CIP2A: variants seen among roughly 807,000 people sequenced by gnomAD.
The protein encoded by CIP2A is protein CIP2A.
A neutral mutation model predicts 110.9 loss-of-function variants in CIP2A; 103 were observed. That is an observed-to-expected ratio of 0.93 (90% CI 0.79 to 1.09). The LOEUF (loss-of-function observed/expected upper bound fraction) is 1.09, where lower values mean the gene tolerates loss of function less well. Ranked by LOEUF, CIP2A falls within the 50% of genes least tolerant of loss-of-function variation. The pLI, the probability that CIP2A is intolerant of heterozygous loss-of-function variation, is 0.00. For synonymous variants in CIP2A, 381 were observed against 361.6 expected, an observed-to-expected ratio of 1.05 and a Z score of -0.61; for missense variants, 1,088 against 1,038.4, an observed-to-expected ratio of 1.05 and a Z score of -0.66.
intron 5 of CIP2A, among the ~76,000 whole-genome samples, chr3:108,580,164 T>A (rs974626953): frequency 2.6e-5 from 4 of 152,158 alleles, no homozygotes; most frequent in Admixed American, 6.5e-5. Context: ...GCAAAAAAAA[T>A]TCAGCAAATT....
At chr3:108,587,219 AT>A (rs1443189538) in intron 1 of CIP2A, among the ~76,000 whole-genome samples, 3 of 152,334 alleles carry the variant, frequency 2.0e-5, no homozygotes, top group African/African-American at 7.2e-5. Flanking sequence ...TCCACAAAAA[AT>A]GTATGTCTAC....
At chr3:108,584,663 A>G (rs942350109) in intron 2 of CIP2A, among the ~76,000 whole-genome samples, 1 of 152,174 alleles carries the variant, frequency 6.6e-6, no homozygotes, top group African/African-American at 2.4e-5. Flanking sequence ...TTTATTGGAC[A>G]ATGCTGCTCT....
intron 8 of CIP2A, among the ~76,000 whole-genome samples, chr3:108,575,361 TATAC>T (rs1271072623): frequency 1.3e-5 from 2 of 150,974 alleles, no homozygotes; most frequent in Non-Finnish European, 3.0e-5. Context: ...CATGTGTATA[TATAC>T]ATACACATAT....
At chr3:108,575,318 A>G (rs1938542578) in intron 8 of CIP2A, among the ~76,000 whole-genome samples, 1 of 146,796 alleles carries the variant, frequency 6.8e-6, no homozygotes, top group Admixed American at 6.7e-5. Context: ...ACACACGTGC[A>G]TGTACACACA....
At chr3:108,561,817 A>G (rs534878444) in intron 13 of CIP2A, among the ~76,000 whole-genome samples, 31 of 152,318 alleles carry the variant, frequency 2.0e-4, no homozygotes, top group African/African-American at 6.7e-4. Context: ...ATGCCCAAAG[A>G]GAAAATTATT....
intron 5 of CIP2A, among the ~76,000 whole-genome samples, chr3:108,580,378 ATATT>A (rs1289161796): frequency 7.0e-6 from 1 of 142,354 alleles, no homozygotes; most frequent in East Asian, 2.5e-4. Flanking sequence ...ATTCTTCCTT[ATATT>A]TAAGTGTTTC....
intron 19 of CIP2A, 95 bp from the exon 20 acceptor site, chr3:108,552,468 A>G: frequency 1.5e-6 from 1 of 676,118 alleles, no homozygotes; most frequent in Non-Finnish European, 2.3e-6. Flanking sequence ...AAAGAGAAAT[A>G]ACTAGAACAA....
At position 108,553,567 on chromosome 3, in the gene CIP2A, TA is replaced by T. The variant is rs76336584; in HGVS notation, c.2407+80del. Reference sequence around the variant, plus strand: ...AAAGTTTAAAACAATAAGTAGAAAATAAAAAAGCAAACAAAACCACTCATGC... The same window carrying T: ...AAAGTTTAAAACAATAAGTAGAAAATAAAAAGCAAACAAAACCACTCATGC... On this transcript the variant is annotated intron_variant, in intron 19 of 20. Coordinates refer to ENST00000295746, the MANE Select transcript of CIP2A (RefSeq NM_020890.3). 160 of 1,204,418 alleles carry T rather than the reference TA, an allele frequency of 1.3e-4. 1 individual carries two copies. The African/African-American group carries it at 2.2e-3, about 16-fold the overall frequency. 74.6% of individuals were successfully genotyped at this position (1,204,418 alleles called of 1,614,324 possible).
At chr3:108,552,599 A>T (rs1270029140) in intron 19 of CIP2A, among the ~76,000 whole-genome samples, 1 of 152,174 alleles carries the variant, frequency 6.6e-6, no homozygotes, top group Non-Finnish European at 1.5e-5. Flanking sequence ...TCAAAAGTGT[A>T]AGGGTTAGAA....
chr3:108,585,857 C>T, intron 1 of CIP2A: 1 of 444,846 alleles, frequency 2.2e-6, no homozygotes, highest in South Asian at 1.6e-5. Flanking sequence ...GTTTTTTTTA[C>T]TTTCTTGTAA....
chr3:108,563,566 G>A (rs1468758345), intron 12 of CIP2A, among the ~76,000 whole-genome samples: 1 of 151,790 alleles, frequency 6.6e-6, no homozygotes, highest in African/African-American at 2.4e-5. Flanking sequence ...TAGAATTAAT[G>A]TTTTTTTCCA....
chr3:108,555,279 T>G (rs916055994), intron 17 of CIP2A, among the ~76,000 whole-genome samples: 5 of 152,178 alleles, frequency 3.3e-5, no homozygotes, highest in African/African-American at 1.2e-4. Flanking sequence ...AGGTATCCCC[T>G]TTTTAGGAGG....
intron 20 of CIP2A, 103 bp downstream of exon 20, chr3:108,552,130 TA>T: frequency 1.2e-6 from 1 of 846,712 alleles, no homozygotes; most frequent in Non-Finnish European, 1.8e-6. Flanking sequence ...TAATATCTTC[TA>T]AAAAATTTGC....
intron 17 of CIP2A, among the ~76,000 whole-genome samples, chr3:108,555,456 T>C (rs1018854680): frequency 2.0e-5 from 3 of 152,192 alleles, no homozygotes; most frequent in African/African-American, 7.2e-5. Flanking sequence ...TACTTGATTC[T>C]TTATAGAACT....
At chr3:108,560,551 A>G in intron 14 of CIP2A, 98 bp downstream of exon 14, 1 of 671,558 alleles carries the variant, frequency 1.5e-6, no homozygotes, top group Non-Finnish European at 2.4e-6. Context: ...AGGTTTCAAT[A>G]GTGAAATCTG....
At chr3:108,563,976 C>T (rs1938095494) in intron 12 of CIP2A, among the ~76,000 whole-genome samples, 2 of 151,860 alleles carry the variant, frequency 1.3e-5, no homozygotes, top group Admixed American at 6.6e-5. Flanking sequence ...TAGGGATGCT[C>T]AACCTGTATT....
chr3:108,583,176 T>A, intron 2 of CIP2A, 93 bp from the exon 3 acceptor site: 1 of 590,808 alleles, frequency 1.7e-6, no homozygotes, highest in Admixed American at 3.9e-5. Flanking sequence ...AATTTATTAT[T>A]AAAAAAGGTA....
At position 108,568,146 on chromosome 3, in the gene CIP2A, A is replaced by G. The variant is rs1331738691; in HGVS notation, c.1273+9T>C. The G allele has an allele frequency of 6.2e-7, 1 of 1,608,332 alleles. No homozygotes were observed. Among genetic ancestry groups the G allele is most frequent in the East Asian group, 2.2e-5 (1 of 44,778 alleles). On this transcript the variant is annotated intron_variant, in intron 10 of 20. Coordinates refer to ENST00000295746, the MANE Select transcript of CIP2A (RefSeq NM_020890.3). ...ATACAGTTTTCACGTTAATGACAGTAAAGGATATTTAACAAAACTTCAATG... is the reference window on the plus strand; with the variant it reads ...ATACAGTTTTCACGTTAATGACAGTGAAGGATATTTAACAAAACTTCAATG...
intron 16 of CIP2A, 131 bp downstream of exon 16, chr3:108,559,623 GGAA>G (rs1489405607): frequency 2.5e-5 from 12 of 471,682 alleles, no homozygotes; most frequent in Non-Finnish European, 4.0e-5. Context: ...CAGAATTTCA[GGAA>G]GAAGGAAGGA....
Sources: gnomAD v4.1 joint callset for allele counts (sites outside exome capture counted in the v4.1 genomes callset) on GRCh38, gnomAD v4.1.1 for gene constraint, MANE v1.5 for transcripts, NCBI Gene and HGNC (gene_info 2026-07-23, HGNC 2026-07-21) for gene names.